Variants in MCTP1 observed in about 807,000 individuals in gnomAD.
MCTP1 encodes the protein multiple C2 and transmembrane domain containing 1, also known as multiple C2 and transmembrane domain-containing protein 1.
A neutral mutation model predicts 120.6 loss-of-function variants in MCTP1; 69 were observed. The observed-to-expected ratio is 0.57, with a 90% CI of 0.47 to 0.70. The LOEUF is 0.70. Among genes scored for constraint, MCTP1 ranks in the 30% least tolerant of loss-of-function variants. The pLI, the probability that MCTP1 is intolerant of heterozygous loss-of-function variation, is 0.00. For missense variants in MCTP1, 1,203 were observed against 1,248.8 expected (o/e 0.96, Z 0.55); for synonymous variants, 529 against 493.1 (o/e 1.07, Z -0.96).
At chr5:94,765,287 A>G (rs963918460) in intron 19 of MCTP1, among the ~76,000 whole-genome samples, 2 of 152,238 alleles carry the variant, frequency 1.3e-5, no homozygotes, top group African/African-American at 4.8e-5. Flanking sequence ...GCCAATATAT[A>G]TAAAGTAGAA....
At chr5:95,131,710 G>C (rs2152424462) in intron 1 of MCTP1, among the ~76,000 whole-genome samples, 1 of 152,164 alleles carries the variant, frequency 6.6e-6, no homozygotes, top group African/African-American at 2.4e-5. Context: ...CTCTAGGACA[G>C]GGATCTCTGT....
Position 95,062,537 on chromosome 5 carries a change from C to T in MCTP1, c.721-45053G>A, listed in dbSNP as rs73140016. On this transcript the variant is annotated intron_variant, in intron 1 of 22. Coordinates refer to ENST00000515393, the MANE Select transcript of MCTP1 (RefSeq NM_024717.7). ...AGATGTGAAAATCAGACAGGCAGCA[C>T]AATAAGATTAAGAGGATGGTATTTT... Among the ~76,000 whole-genome samples the T allele has an allele frequency of 7.9e-3, 1,209 of 152,268 alleles. 16 individuals carry two copies. Among genetic ancestry groups the T allele is most frequent in the African/African-American group, 0.027 (1,130 of 41,556 alleles).
intron 2 of MCTP1, among the ~76,000 whole-genome samples, chr5:94,955,219 G>A (rs912431911): frequency 6.6e-6 from 1 of 152,156 alleles, no homozygotes; most frequent in African/African-American, 2.4e-5. Flanking sequence ...TGCCGTGAGG[G>A]ACAGTGCTCT....
At chr5:94,951,202 G>A (rs1820473271) in intron 3 of MCTP1, among the ~76,000 whole-genome samples, 1 of 152,060 alleles carries the variant, frequency 6.6e-6, no homozygotes, top group African/African-American at 2.4e-5. Flanking sequence ...TTACAAGTCA[G>A]AACACCACCA....
chr5:95,228,470 AAGAGAG>A (rs56915525), intron 1 of MCTP1, among the ~76,000 whole-genome samples: 4 of 147,328 alleles, frequency 2.7e-5, no homozygotes, highest in Admixed American at 6.8e-5. Context: ...ATGCAGCCAA[AAGAGAG>A]AGAGAGAGAG....
At chr5:94,919,924 GC>G (rs1176751114) in intron 7 of MCTP1, among the ~76,000 whole-genome samples, 1 of 152,172 alleles carries the variant, frequency 6.6e-6, no homozygotes, top group Admixed American at 6.5e-5. Flanking sequence ...TTATAATAAA[GC>G]TTTGATCCTT....
At chr5:94,982,476 G>A (rs562267374) in intron 2 of MCTP1, among the ~76,000 whole-genome samples, 1 of 152,208 alleles carries the variant, frequency 6.6e-6, no homozygotes, top group East Asian at 1.9e-4. Context: ...ATTCTAAAAT[G>A]TACCCCCAAG....
chr5:95,275,848 C>T (rs1759785075), intron 1 of MCTP1, among the ~76,000 whole-genome samples: 1 of 151,816 alleles, frequency 6.6e-6, no homozygotes, highest in South Asian at 2.1e-4. Context: ...ATCTTGCAAG[C>T]AGAGAAAGTC....
chr5:94,970,408 A>G lies in MCTP1; in HGVS notation c.839-17047T>C, dbSNP rs115732566. The stretch of plus-strand genomic sequence containing the variant: ...ATATAACTTATTCAAATTCCCTTTC[A>G]TATCTGACATAAACAGCAGGTGGTA... On this transcript the variant is annotated intron_variant, in intron 2 of 22. Coordinates refer to ENST00000515393, the MANE Select transcript of MCTP1 (RefSeq NM_024717.7). Among the ~76,000 whole-genome samples the G allele has an allele frequency of 6.6e-3, 998 of 152,116 alleles. 12 individuals carry two copies. The highest frequency in any genetic ancestry group is 0.023 in the African/African-American group (954 of 41,530).
chr5:94,713,953 A>G lies in MCTP1; in HGVS notation c.2720+824T>C, dbSNP rs548133184. The stretch of plus-strand genomic sequence containing the variant: ...TGAAGAGATACATTATACTAGGAAA[A>G]TAAAGGTTTGTCCAGAATTTGGCAC... On this transcript the variant is annotated intron_variant, in intron 20 of 22. Coordinates refer to ENST00000515393, the MANE Select transcript of MCTP1 (RefSeq NM_024717.7). Among the ~76,000 whole-genome samples the G allele has an allele frequency of 7.9e-4, 120 of 152,286 alleles. 1 individual carries two copies. The highest frequency in any genetic ancestry group is 2.4e-3 in the African/African-American group (101 of 41,550).
chr5:94,887,160 G>GA (rs1156556608), intron 12 of MCTP1, among the ~76,000 whole-genome samples: 2 of 151,824 alleles, frequency 1.3e-5, no homozygotes, highest in African/African-American at 2.4e-5. Context: ...AAAAGTGGAG[G>GA]AAAAAAATGG....
intron 2 of MCTP1, among the ~76,000 whole-genome samples, chr5:95,010,051 AG>A (rs1835611836): frequency 6.6e-6 from 1 of 152,118 alleles, no homozygotes; most frequent in African/African-American, 2.4e-5. Flanking sequence ...TATGAGACAT[AG>A]GGGGCATAAC....
At chr5:94,710,498 A>G in intron 21 of MCTP1, 2 of 241,500 alleles carry the variant, frequency 8.3e-6, no homozygotes, top group Non-Finnish European at 1.6e-5. Flanking sequence ...ATGGATTGAA[A>G]TGCCTCTGTT....
intron 10 of MCTP1, among the ~76,000 whole-genome samples, chr5:94,901,524 G>A (rs1805534276): frequency 6.6e-6 from 1 of 151,972 alleles, no homozygotes. Flanking sequence ...CTCAGAGAGT[G>A]AGAAAAATAA....
chr5:94,939,077 C>A (rs915809675), intron 5 of MCTP1, among the ~76,000 whole-genome samples: 2 of 151,900 alleles, frequency 1.3e-5, no homozygotes, highest in African/African-American at 4.8e-5. Context: ...TATATGTAAA[C>A]GTATGTGTTC....
At chr5:94,763,825 A>T (rs1177215284) in intron 19 of MCTP1, among the ~76,000 whole-genome samples, 1 of 152,238 alleles carries the variant, frequency 6.6e-6, no homozygotes. Flanking sequence ...AAAAAATTTT[A>T]AAACTTTCTG....
chr5:95,121,403 T>C (rs1758233234), intron 1 of MCTP1, among the ~76,000 whole-genome samples: 1 of 144,294 alleles, frequency 6.9e-6, no homozygotes, highest in South Asian at 2.2e-4. Flanking sequence ...CCATTTACAA[T>C]AACCACAAAT....
At chr5:94,960,130 T>A (rs745503000) in intron 2 of MCTP1, among the ~76,000 whole-genome samples, 5 of 152,056 alleles carry the variant, frequency 3.3e-5, no homozygotes, top group Non-Finnish European at 4.4e-5. Context: ...TCTACAACCA[T>A]CTGATCCTTG....
chr5:95,150,234 A>G (rs1489625540), intron 1 of MCTP1, among the ~76,000 whole-genome samples: 6 of 152,170 alleles, frequency 3.9e-5, no homozygotes, highest in African/African-American at 1.4e-4. Flanking sequence ...TTGAACTTTT[A>G]TTGATGGGTG....
Sources: allele counts gnomAD v4.1 joint callset (sites outside exome capture counted in the v4.1 genomes callset), GRCh38; gene constraint gnomAD v4.1.1; transcripts MANE v1.5; gene names NCBI Gene and HGNC (gene_info 2026-07-23, HGNC 2026-07-21).